FREM2: variants seen among roughly 807,000 people sequenced by gnomAD.
FREM2 encodes FRAS1-related extracellular matrix protein 2.
In FREM2, 119 loss-of-function variants were observed where a neutral mutation model predicts 219.9. The observed-to-expected ratio is 0.54, with a 90% CI of 0.47 to 0.63. The LOEUF (loss-of-function observed/expected upper bound fraction) is 0.63, where lower values mean the gene tolerates loss of function less well. FREM2 is among the 30% of genes least tolerant of loss of function. The pLI is 0.00. For synonymous variants in FREM2, 1,562 were observed against 1,522.8 expected (o/e 1.03, Z -0.60); for missense variants, 4,030 against 3,993.6 (o/e 1.01, Z -0.25).
intron 2 of FREM2, among the ~76,000 whole-genome samples, chr13:38,701,132 A>G (rs748210024): frequency 7.2e-5 from 11 of 152,056 alleles, no homozygotes; most frequent in East Asian, 1.9e-4. Flanking sequence ...TCATAGTGCA[A>G]TTCTTAAAAT....
intron 2 of FREM2, among the ~76,000 whole-genome samples, chr13:38,714,958 G>A (rs1018062768): frequency 6.6e-6 from 1 of 151,946 alleles, no homozygotes; most frequent in African/African-American, 2.4e-5. Flanking sequence ...TGGGCATGGT[G>A]GCGGGCACCT....
Position 38,856,142 on chromosome 13 carries a change from A to AG in FREM2, c.6946dup (p.Glu2316GlyfsTer7). 1 of 1,609,540 alleles carries AG rather than the reference A, an allele frequency of 6.2e-7. No homozygotes were observed. Among genetic ancestry groups the AG allele is most frequent in the Non-Finnish European group, 8.5e-7 (1 of 1,176,424 alleles). Reference sequence around the variant, plus strand: ...CATTTGTAGAAATTGAGTTTAAGGAAGGGGAAACCCAGCACGTGGTTGAAA... The same window carrying AG: ...CATTTGTAGAAATTGAGTTTAAGGAAGGGGGAAACCCAGCACGTGGTTGAAA... On this transcript the variant is annotated frameshift_variant, in exon 12 of 24. Transcript: ENST00000280481. LOFTEE classifies it high-confidence loss of function.
intron 2 of FREM2, among the ~76,000 whole-genome samples, chr13:38,704,828 G>C (rs1298037893): frequency 6.6e-6 from 1 of 152,160 alleles, no homozygotes; most frequent in African/African-American, 2.4e-5. Flanking sequence ...TGAAAGAGAA[G>C]CAAGTACCTT....
At position 38,689,141 on chromosome 13, in the gene FREM2, G is replaced by A. The variant is rs773258343; in HGVS notation, c.1797G>A (p.Val599=). ...MDSDDSLLLF[V]LESPFLTTGH... ...CAGATGATTCTCTGCTGCTTTTTGT[G>A]CTGGAGTCACCCTTCTTAACTACGG... is the stretch of plus-strand genomic sequence containing the variant. Residue 599 remains valine, a synonymous_variant, in exon 1 of 24, where the codon GTG becomes GTA. Transcript: ENST00000280481. The A allele has an allele frequency of 1.2e-5, 19 of 1,613,630 alleles. No homozygotes were observed. The highest frequency in any genetic ancestry group is 1.5e-5 in the Non-Finnish European group (18 of 1,180,008).
chr13:38,863,915 C>G (rs938313536), intron 15 of FREM2, among the ~76,000 whole-genome samples: 10 of 152,040 alleles, frequency 6.6e-5, no homozygotes, highest in African/African-American at 2.4e-4. Context: ...TCACTGCAAC[C>G]TCTGCCTTCC....
intron 4 of FREM2, among the ~76,000 whole-genome samples, chr13:38,771,358 A>G (rs1873653993): frequency 6.6e-6 from 1 of 152,182 alleles, no homozygotes; most frequent in Non-Finnish European, 1.5e-5. Flanking sequence ...TTTAATACAT[A>G]TAAATTGACT....
chr13:38,864,992 T>C (rs1452205314), intron 16 of FREM2, among the ~76,000 whole-genome samples: 1 of 152,156 alleles, frequency 6.6e-6, no homozygotes, highest in Non-Finnish European at 1.5e-5. Flanking sequence ...CCACCTAAAG[T>C]GAGGTTTTAC....
chr13:38,756,078 AG>A (rs1308137057), intron 2 of FREM2, among the ~76,000 whole-genome samples: 1 of 152,200 alleles, frequency 6.6e-6, no homozygotes, highest in Non-Finnish European at 1.5e-5. Flanking sequence ...ATGCCAGAAA[AG>A]GGATTGATTA....
At chr13:38,833,865 C>A (rs142056348) in intron 6 of FREM2, among the ~76,000 whole-genome samples, 18 of 152,244 alleles carry the variant, frequency 1.2e-4, no homozygotes, top group African/African-American at 3.8e-4. Flanking sequence ...TAGGACCACA[C>A]TCCTTTGGCT....
At position 38,701,922 on chromosome 13, in the gene FREM2, T is replaced by G. The variant is rs146648400; in HGVS notation, c.5263+4135T>G. Among the ~76,000 whole-genome samples, 141 of 152,270 alleles carry G rather than the reference T, an allele frequency of 9.3e-4. 1 individual carries two copies. The highest frequency in any genetic ancestry group is 1.2e-3 in the South Asian group (6 of 4,828). On this transcript the variant is annotated intron_variant, in intron 2 of 23. Transcript: ENST00000280481. ...TTCATATCAAAAAAGGTATCATTAA[T>G]CTTTGTACCTCAGTGCCAAGGCTGA...
At chr13:38,742,225 G>A (rs1379854722) in intron 2 of FREM2, among the ~76,000 whole-genome samples, 2 of 152,200 alleles carry the variant, frequency 1.3e-5, no homozygotes, top group African/African-American at 4.8e-5. Flanking sequence ...AGAGATGTAT[G>A]CAACTACAAG....
Position 38,687,799 on chromosome 13 carries a change from G to T in FREM2, c.455G>T (p.Arg152Leu), listed in dbSNP as rs1295128054. 1 of 1,539,300 alleles carries T rather than the reference G, an allele frequency of 6.5e-7. No homozygotes were observed. Among genetic ancestry groups the T allele is most frequent in the South Asian group, 1.3e-5 (1 of 79,362 alleles). ...GARSPSRDRV[R>L]LQLRYDAPGG... ...CGCAGCCCGTCTCGGGACCGCGTCC[G>T]GCTGCAGCTGCGCTATGACGCGCCC... Residue 152 changes from arginine (R) to leucine (L), a missense_variant, in exon 1 of 24, where the codon CGG becomes CTG. Around this residue, in one of 2 missense-constraint regions of FREM2, gnomAD observed 3,102 missense variants for 2,950.7 expected, o/e 1.05. Transcript: ENST00000280481.
chr13:38,835,148 T>C (rs1031237678), intron 6 of FREM2, among the ~76,000 whole-genome samples: 1 of 152,222 alleles, frequency 6.6e-6, no homozygotes. Flanking sequence ...AGGAGTCCGG[T>C]TTCAGTTTAC....
rs145657148 is a variant in FREM2, at chr13:38,880,286, C to T, written c.9009C>T (p.Val3003=). Residue 3003 remains valine (V), a splice_region_variant and synonymous_variant, in exon 24 of 24, where the codon GTC becomes GTT. Transcript: ENST00000280481. ...FKVDSTPLFQ[V]ALGREWYIHT... is the part of the protein sequence containing the mutation. ...ATAAATAGAGTTGTGCTTTCTAGGT[C>T]GCTCTAGGCCGAGAATGGTATATAC... 116 of 1,613,332 alleles carry T rather than the reference C, an allele frequency of 7.2e-5. No individual in the cohort carries two copies. The Admixed American group carries it at 8.3e-4, about 12-fold the overall frequency.
rs150013544 is a variant in FREM2, at chr13:38,784,787, A to G, written c.5998A>G (p.Ile2000Val). ...GSEFPGAQVT[I>V]VPDKDDEPIF... ...AGAGTTCCCAGGGGCTCAAGTTACA[A>G]TCGTTCCTGACAAAGATGATGGTGA... Residue 2000 changes from isoleucine (I) to valine (V), a missense_variant, in exon 6 of 24, where the codon ATC (isoleucine) becomes GTC (valine). Around this residue, in one of 2 missense-constraint regions of FREM2, gnomAD observed 3,102 missense variants for 2,950.7 expected, o/e 1.05. Transcript: ENST00000280481. The G allele has an allele frequency of 1.2e-6, 2 of 1,614,078 alleles. No individual in the cohort carries two copies. The highest frequency in any genetic ancestry group is 1.3e-5 in the African/African-American group (1 of 74,952).
At chr13:38,879,293 A>G (rs1226731980) in intron 23 of FREM2, among the ~76,000 whole-genome samples, 1 of 152,246 alleles carries the variant, frequency 6.6e-6, no homozygotes, top group Non-Finnish European at 1.5e-5. Flanking sequence ...CCCAGAATAT[A>G]AATCTGTGTC....
rs904397394 is a variant in FREM2, at chr13:38,802,209, A to T, written c.6019+17401A>T. 3.4e-4 allele frequency among the ~76,000 whole-genome samples: 52 copies of T among 152,208 alleles called. 1 individual carries two copies. The highest frequency in any genetic ancestry group is 5.3e-4 in the Non-Finnish European group (36 of 68,032). Reference sequence around the variant, plus strand: ...CACCAGTGGAGTGCTCAGGTGTGGGAAACAGCAGATTATCGTGGGCCTGCC... The same window carrying T: ...CACCAGTGGAGTGCTCAGGTGTGGGTAACAGCAGATTATCGTGGGCCTGCC... On this transcript the variant is annotated intron_variant, in intron 6 of 23. Transcript: ENST00000280481.
chr13:38,863,726 A>G (rs1484956860), intron 15 of FREM2, among the ~76,000 whole-genome samples: 2 of 152,224 alleles, frequency 1.3e-5, no homozygotes, highest in African/African-American at 2.4e-5. Context: ...AAAGTCAAAT[A>G]ATAACTTACT....
At chr13:38,865,066 CA>C (rs2137926268) in intron 16 of FREM2, among the ~76,000 whole-genome samples, 1 of 152,270 alleles carries the variant, frequency 6.6e-6, no homozygotes, top group East Asian at 1.9e-4. Context: ...CTACATTTTA[CA>C]AAACTTTCTC....
Sources: gnomAD v4.1 joint callset for allele counts (sites outside exome capture counted in the v4.1 genomes callset) on GRCh38, gnomAD v4.1.1 for gene constraint, gnomAD v4.1.1 regional missense constraint, MANE v1.5 for transcripts, NCBI Gene and HGNC (gene_info 2026-07-23, HGNC 2026-07-21) for gene names.